The following NPAS3 variants were observed in gnomAD, a reference collection of about 807,000 sequenced individuals.
NPAS3 encodes neuronal PAS domain protein 3, also known as neuronal PAS domain-containing protein 3.
In NPAS3, 14 loss-of-function variants were observed where a neutral mutation model predicts 73.1. The ratio of observed to expected loss-of-function variants is 0.19; its 90% CI spans 0.13 to 0.30. NPAS3 has a LOEUF of 0.30. NPAS3 is among the 10% of genes least tolerant of loss of function. The pLI is 1.00. For missense variants in NPAS3, 1,096 were observed against 1,250.0 expected, an observed-to-expected ratio of 0.88 and a Z score of 1.86; for synonymous variants, 620 against 541.5, an observed-to-expected ratio of 1.14 and a Z score of -2.01.
intron 3 of NPAS3, among the ~76,000 whole-genome samples, chr14:33,222,345 T>A (rs1258166401): frequency 6.6e-6 from 1 of 152,240 alleles, no homozygotes; most frequent in Non-Finnish European, 1.5e-5. Context: ...AATATCTTTT[T>A]ACGCCCTTCC....
chr14:33,361,731 T>C (rs1172246226), intron 3 of NPAS3, among the ~76,000 whole-genome samples: 1 of 152,198 alleles, frequency 6.6e-6, no homozygotes, highest in Non-Finnish European at 1.5e-5. Context: ...AACATGTTAG[T>C]AGGTCTGAGA....
chr14:33,666,934 G>T (rs1394275998), intron 5 of NPAS3, among the ~76,000 whole-genome samples: 2 of 151,924 alleles, frequency 1.3e-5, no homozygotes, highest in African/African-American at 4.8e-5. Context: ...AAGGATTCTT[G>T]CTTCTAGAGC....
At chr14:33,551,417 G>A (rs1324487982) in intron 4 of NPAS3, among the ~76,000 whole-genome samples, 2 of 152,162 alleles carry the variant, frequency 1.3e-5, no homozygotes, top group Non-Finnish European at 2.9e-5. Context: ...TAAACAGTCA[G>A]GTTCACATCA....
chr14:33,075,699 T>C (rs2184622), intron 2 of NPAS3, among the ~76,000 whole-genome samples: 135,285 of 152,226 alleles, frequency 0.89, 60,207 homozygotes, highest in Middle Eastern at 0.95. Context: ...AACTTAAAAT[T>C]GTAATTTAAC....
intron 1 of NPAS3, among the ~76,000 whole-genome samples, chr14:33,004,177 T>C (rs2038906682): frequency 6.6e-6 from 1 of 152,318 alleles, no homozygotes; most frequent in East Asian, 1.9e-4. Flanking sequence ...ATAATAATTT[T>C]TAGTACAGTG....
chr14:33,015,978 G>A (rs1595231835), intron 1 of NPAS3, among the ~76,000 whole-genome samples: 1 of 152,158 alleles, frequency 6.6e-6, no homozygotes, highest in African/African-American at 2.4e-5. Context: ...GCTACTTTTT[G>A]AAATGAATAA....
chr14:33,511,775 A>G (rs2053066611), intron 4 of NPAS3, among the ~76,000 whole-genome samples: 1 of 152,124 alleles, frequency 6.6e-6, no homozygotes, highest in Admixed American at 6.6e-5. Context: ...TTGTCCTTGT[A>G]TAGAAAGAAT....
At chr14:33,483,509 T>G (rs2051431741) in intron 4 of NPAS3, among the ~76,000 whole-genome samples, 1 of 152,190 alleles carries the variant, frequency 6.6e-6, no homozygotes, top group Admixed American at 6.5e-5. Context: ...AACTTGGACC[T>G]GGGTTTTCAT....
intron 6 of NPAS3, among the ~76,000 whole-genome samples, chr14:33,727,628 A>G (rs1264547238): frequency 6.6e-6 from 1 of 152,010 alleles, no homozygotes; most frequent in Non-Finnish European, 1.5e-5. Context: ...GAGAAAAGAA[A>G]AAGAAAAAGA....
chr14:33,201,058 G>A (rs184814197), intron 2 of NPAS3, among the ~76,000 whole-genome samples: 77 of 152,304 alleles, frequency 5.1e-4, no homozygotes, highest in Admixed American at 5.0e-3. Flanking sequence ...AATTTTATGA[G>A]ATGAGATATG....
intron 6 of NPAS3, among the ~76,000 whole-genome samples, chr14:33,720,666 T>C (rs375946135): frequency 6.6e-6 from 1 of 152,196 alleles, no homozygotes. Context: ...GTAATCATGG[T>C]GTGAAGAAAG....
chr14:33,036,758 A>G (rs915211982), intron 1 of NPAS3, among the ~76,000 whole-genome samples: 3 of 152,230 alleles, frequency 2.0e-5, no homozygotes, highest in Non-Finnish European at 2.9e-5. Flanking sequence ...CTGATAAACT[A>G]TAAAAGACTT....
chr14:33,206,443 G>T (rs1161675726), intron 2 of NPAS3, among the ~76,000 whole-genome samples: 3 of 152,104 alleles, frequency 2.0e-5, no homozygotes, highest in Non-Finnish European at 4.4e-5. Context: ...AAAACTCCCA[G>T]TTTTGGGGGA....
intron 6 of NPAS3, among the ~76,000 whole-genome samples, chr14:33,683,472 G>C (rs1277408482): frequency 1.4e-5 from 2 of 145,452 alleles, no homozygotes; most frequent in East Asian, 4.2e-4. Context: ...TCTGTCATTG[G>C]ATAATTAAAA....
intron 5 of NPAS3, among the ~76,000 whole-genome samples, chr14:33,671,688 TGA>T (rs1341406707): frequency 6.6e-6 from 1 of 152,234 alleles, no homozygotes. Context: ...CTAAGCAACG[TGA>T]GAGAGTAAGT....
chr14:33,782,259 AGGAGGTACTGGCTTG>A (rs1486847609), intron 9 of NPAS3, among the ~76,000 whole-genome samples: 1 of 152,198 alleles, frequency 6.6e-6, no homozygotes, highest in Non-Finnish European at 1.5e-5. Context: ...TCCATTGCTC[AGGAGGTACTGGCTTG>A]GGAGATGATC....
intron 4 of NPAS3, among the ~76,000 whole-genome samples, chr14:33,415,003 G>A (rs1453269028): frequency 6.6e-6 from 1 of 152,026 alleles, no homozygotes; most frequent in Non-Finnish European, 1.5e-5. Flanking sequence ...AGTGCCCTAG[G>A]TTTTCTTGAG....
At chr14:33,370,317 G>A (rs941155011) in intron 4 of NPAS3, among the ~76,000 whole-genome samples, 2 of 152,154 alleles carry the variant, frequency 1.3e-5, no homozygotes, top group Admixed American at 1.3e-4. Flanking sequence ...AGTTGTTGAT[G>A]GATGAATAGA....
At chr14:33,557,836 G>A (rs2055434113) in intron 4 of NPAS3, among the ~76,000 whole-genome samples, 1 of 152,224 alleles carries the variant, frequency 6.6e-6, no homozygotes, top group Non-Finnish European at 1.5e-5. Context: ...AGGCGTGGTG[G>A]CGGGTGCCCG....
Sources: allele counts gnomAD v4.1 joint callset (sites outside exome capture counted in the v4.1 genomes callset), GRCh38; gene constraint gnomAD v4.1.1; transcripts MANE v1.5; gene names NCBI Gene and HGNC (gene_info 2026-07-23, HGNC 2026-07-21).